The following ABCC9 variants were observed in gnomAD, a reference collection of about 807,000 sequenced individuals.
The protein encoded by ABCC9 is ATP-binding cassette sub-family C member 9.
Under a neutral mutation model 188.3 loss-of-function variants are expected in ABCC9, and 95 were observed. That is an observed-to-expected ratio of 0.50 (90% confidence interval 0.43 to 0.60). The LOEUF is 0.60. ABCC9 is among the 20% of genes least tolerant of loss of function. ABCC9 has a pLI of 0.00. For synonymous variants in ABCC9, 659 were observed against 652.7 expected, an observed-to-expected ratio of 1.01 and a Z score of -0.15; for missense variants, 1,102 against 1,876.3, an observed-to-expected ratio of 0.59 and a Z score of 7.62.
chr12:21,881,679 G>A (rs1222816151), intron 16 of ABCC9, among the ~76,000 whole-genome samples: 1 of 149,446 alleles, frequency 6.7e-6, no homozygotes, highest in East Asian at 2.0e-4. Context: ...TTCACACACT[G>A]CCTGAACATT....
rs113622002 is a variant in ABCC9 at position 21,838,217 on chromosome 12, A to G, written c.3474-47T>C. 9.7e-6 allele frequency: 12 copies of G among 1,235,176 alleles called. No individual in the cohort carries two copies. In the African/African-American group the frequency reaches 1.3e-4, roughly 14 times the overall value. The allele number at this position is 1,235,176 out of a possible 1,614,324, so 76.5% of individuals were successfully genotyped here. A position where few individuals can be genotyped will look rare whatever the true frequency, so the allele number is the denominator to read the frequency against. ...ATAAACTTCATGTGCATCCAGACTC[A>G]AAGACTACCATGTTTATTCTTTAAG... On this transcript the variant is annotated intron_variant, in intron 29 of 39. Coordinates refer to ENST00000261200, the MANE Select transcript of ABCC9 (RefSeq NM_020297.4).
At chr12:21,916,406 C>A (rs1188308338) in intron 6 of ABCC9, among the ~76,000 whole-genome samples, 1 of 152,092 alleles carries the variant, frequency 6.6e-6, no homozygotes, top group Non-Finnish European at 1.5e-5. Flanking sequence ...TCTCTAGTAT[C>A]TCACACAACA....
chr12:21,834,187 T>A (rs1324069841), intron 30 of ABCC9, among the ~76,000 whole-genome samples: 1 of 152,202 alleles, frequency 6.6e-6, no homozygotes, highest in African/African-American at 2.4e-5. Context: ...TATTGACCAT[T>A]CAATTTCTTT....
chr12:21,924,301 A>G (rs1052051955), intron 5 of ABCC9: 2 of 152,912 alleles, frequency 1.3e-5, no homozygotes, highest in African/African-American at 4.8e-5. Context: ...CAAAACTAAG[A>G]TGGAGAGAGG....
In ABCC9 at chr12:21,910,048, T is replaced by C. The variant is rs529806277; in HGVS notation, c.1320+109A>G. The C allele has an allele frequency of 1.2e-5, 13 of 1,054,524 alleles. No individual in the cohort carries two copies. The Admixed American group carries it at 2.0e-4, about 17-fold the overall frequency. The allele number at this position is 1,054,524 out of a possible 1,614,324, so 65.3% of individuals were successfully genotyped here. A position where few individuals can be genotyped will look rare whatever the true frequency, so the allele number is the denominator to read the frequency against. On this transcript the variant is annotated intron_variant, in intron 10 of 39. Coordinates refer to ENST00000261200, the MANE Select transcript of ABCC9 (RefSeq NM_020297.4). Reference sequence around the variant, plus strand: ...CTTCCTTTTCTATAAAAGAGTGTAATATTTGCACATTCAAAAACTATACAC... The same window carrying C: ...CTTCCTTTTCTATAAAAGAGTGTAACATTTGCACATTCAAAAACTATACAC...
intron 39 of ABCC9, among the ~76,000 whole-genome samples, chr12:21,803,701 A>G: frequency 6.6e-6 from 1 of 152,100 alleles, no homozygotes; most frequent in South Asian, 2.1e-4. Context: ...GTCAACAGAA[A>G]TAAATATAGT....
Position 21,799,190 on chromosome 12 carries a change from A to G in ABCC9, c.*1854T>C, listed in dbSNP as rs1941314238. On this transcript the variant is annotated 3_prime_UTR_variant, in exon 40 of 40. Coordinates refer to ENST00000261200, the MANE Select transcript of ABCC9 (RefSeq NM_020297.4). Reference sequence around the variant, plus strand: ...TGCAGCGCACCAGCATGGCACATGTATATATATGTAACTAACCTGCACAAT... The same window carrying G: ...TGCAGCGCACCAGCATGGCACATGTGTATATATGTAACTAACCTGCACAAT... The G allele has an allele frequency of 6.6e-6, 1 of 150,824 alleles. No individual in the cohort carries two copies. Among genetic ancestry groups the G allele is most frequent in the Non-Finnish European group, 1.5e-5 (1 of 67,782 alleles). 9.3% of individuals were successfully genotyped at this position (150,824 alleles called of 1,614,324 possible).
intron 7 of ABCC9, 67 bp from the exon 8 acceptor site, chr12:21,913,133 T>C: frequency 7.2e-7 from 1 of 1,382,438 alleles, no homozygotes; most frequent in Non-Finnish European, 1.0e-6. Context: ...CAGTAACTAA[T>C]CTCATGTATG....
chr12:21,893,734 A>G (rs1218755591), intron 14 of ABCC9, among the ~76,000 whole-genome samples: 1 of 152,252 alleles, frequency 6.6e-6, no homozygotes, highest in Non-Finnish European at 1.5e-5. Context: ...AATATTTCCA[A>G]CATAGAATAT....
intron 3 of ABCC9, among the ~76,000 whole-genome samples, chr12:21,934,330 CAT>C (rs1356424167): frequency 6.6e-6 from 1 of 152,038 alleles, no homozygotes; most frequent in African/African-American, 2.4e-5. Flanking sequence ...CAAGAAAAGA[CAT>C]ATTTGGTTAC....
chr12:21,822,424 A>G (rs1565701551), intron 31 of ABCC9, among the ~76,000 whole-genome samples: 1 of 152,186 alleles, frequency 6.6e-6, no homozygotes, highest in Non-Finnish European at 1.5e-5. Flanking sequence ...TTTTCAAAAA[A>G]TATTCAGCAA....
At chr12:21,933,371 T>C (rs929105689) in intron 4 of ABCC9, among the ~76,000 whole-genome samples, 6 of 152,034 alleles carry the variant, frequency 3.9e-5, no homozygotes, top group Non-Finnish European at 7.4e-5. Flanking sequence ...ACCCCTGAAC[T>C]TAAAATAAAA....
chr12:21,937,298 G>A lies in ABCC9; in HGVS notation c.-20-604C>T, dbSNP rs771556856. Reference sequence around the variant, plus strand: ...AACCTAACTCAAATGACAAGTCAACGAAACTACTCAGATTCCATAGTTAGA... The same window carrying A: ...AACCTAACTCAAATGACAAGTCAACAAAACTACTCAGATTCCATAGTTAGA... On this transcript the variant is annotated intron_variant, in intron 2 of 39. Transcript: ENST00000261200. Among the ~76,000 whole-genome samples, 7 of 152,102 alleles carry A rather than the reference G, an allele frequency of 4.6e-5. No homozygotes were observed. The South Asian group carries it at 6.2e-4, about 14-fold the overall frequency.
intron 25 of ABCC9, among the ~76,000 whole-genome samples, chr12:21,847,122 A>T (rs61926076): frequency 0.023 from 3,530 of 152,248 alleles, 53 homozygotes; most frequent in Non-Finnish European, 0.039. Flanking sequence ...TACTTCATTT[A>T]CCCTGTAAGC....
At chr12:21,936,743 T>C in intron 2 of ABCC9, 49 bp from the exon 3 acceptor site, 3 of 1,395,452 alleles carry the variant, frequency 2.1e-6, no homozygotes, top group South Asian at 2.4e-5. Flanking sequence ...TAGTAAACTC[T>C]TGTTCATAAA....
In ABCC9 at chr12:21,798,119, T is replaced by G. The variant is rs76760708; in HGVS notation, c.*2925A>C. 476 of 152,344 alleles carry G rather than the reference T, an allele frequency of 3.1e-3. 2 individuals carry two copies. Among genetic ancestry groups the G allele is most frequent in the African/African-American group, 0.011 (454 of 41,582 alleles). 9.4% of individuals were successfully genotyped at this position (152,344 alleles called of 1,614,324 possible). A position where few individuals can be genotyped will look rare whatever the true frequency, so the allele number is the denominator to read the frequency against. On this transcript the variant is annotated 3_prime_UTR_variant, in exon 40 of 40. Coordinates refer to ENST00000261200, the MANE Select transcript of ABCC9 (RefSeq NM_020297.4). ...ACTCAACTTAAGTAACTAAAAGTTA[T>G]GAGGGGACCAGCAACCACTTGGCTG...
At chr12:21,894,296 T>C in intron 13 of ABCC9, 122 bp from the exon 14 acceptor site, 3 of 1,164,720 alleles carry the variant, frequency 2.6e-6, no homozygotes, top group Non-Finnish European at 3.8e-6. Flanking sequence ...ATGATAACAA[T>C]GACTTCATCC....
In ABCC9 at chr12:21,875,672, C is replaced by T. The variant is rs1946305063; in HGVS notation, c.2074G>A (p.Asp692Asn). 1.2e-6 allele frequency: 2 copies of T among 1,611,988 alleles called. No individual in the cohort carries two copies. The highest frequency in any genetic ancestry group is 2.2e-5 in the South Asian group (2 of 91,018). ...GSGLATLSNIDIRIPTGQLTM... is the reference protein window; with the variant it reads ...GSGLATLSNINIRIPTGQLTM... The stretch of plus-strand genomic sequence containing the variant: ...CTCTTACCTGTTGGAATTCGAATAT[C>T]TATATTGGATAATGTAGCTAAACCA... Residue 692 changes from aspartate (D) to asparagine (N), a missense_variant, in exon 17 of 40, where the codon GAT becomes AAT. By Grantham distance (23) the Asp-to-Asn change is conservative. Around this residue, in one of 12 missense-constraint regions of ABCC9, gnomAD observed 258 missense variants for 325.6 expected, o/e 0.79. Transcript: ENST00000261200.
intron 29 of ABCC9, among the ~76,000 whole-genome samples, chr12:21,841,556 A>G (rs1485757687): frequency 4.0e-5 from 6 of 151,166 alleles, no homozygotes; most frequent in African/African-American, 1.5e-4. Context: ...ACGGGGTTTC[A>G]CCATGTTGGT....
Sources: allele counts gnomAD v4.1 joint callset (sites outside exome capture counted in the v4.1 genomes callset), GRCh38; gene constraint gnomAD v4.1.1; regional missense constraint gnomAD v4.1.1; transcripts MANE v1.5; gene names NCBI Gene and HGNC (gene_info 2026-07-23, HGNC 2026-07-21).